TRPM3: variants seen among roughly 807,000 people sequenced by gnomAD.
TRPM3 encodes long transient receptor potential channel 3.
TRPM3 carries 77 observed loss-of-function variants against 181.2 expected under a neutral mutation model. The observed-to-expected ratio is 0.42, with a 90% CI of 0.35 to 0.51. The LOEUF (loss-of-function observed/expected upper bound fraction) is 0.51. Among genes scored for constraint, TRPM3 ranks in the 20% least tolerant of loss-of-function variants. The probability of loss-of-function intolerance (pLI) is 0.01; values close to 1 mark genes in which losing one functional copy is unlikely to be tolerated. For missense variants in TRPM3, 1,759 were observed against 2,196.7 expected, an observed-to-expected ratio of 0.80 and a Z score of 3.98; for synonymous variants, 745 against 796.4, an observed-to-expected ratio of 0.94 and a Z score of 1.09.
rs558306494 is a variant in TRPM3 at position 70,606,764 on chromosome 9, AT to A, written c.2668-3295del. Among the ~76,000 whole-genome samples the A allele has an allele frequency of 7.3e-3, 1,112 of 152,126 alleles. 11 individuals carry two copies. The highest frequency in any genetic ancestry group is 0.026 in the African/African-American group (1,059 of 41,496). On this transcript the variant is annotated intron_variant, in intron 19 of 25. Coordinates refer to ENST00000677713, the MANE Select transcript of TRPM3 (RefSeq NM_001366145.2). ...GTAAGTCAGTAGGAGAACTCTAAGAATTTGTATTTTATTAACATATATTCTT... is the reference window on the plus strand; with the variant it reads ...GTAAGTCAGTAGGAGAACTCTAAGAATTGTATTTTATTAACATATATTCTT...
chr9:70,885,460 T>C (rs1232908933), intron 1 of TRPM3, among the ~76,000 whole-genome samples: 2 of 152,334 alleles, frequency 1.3e-5, no homozygotes, highest in African/African-American at 2.4e-5. Context: ...ATCCAGTGTC[T>C]GAATGTTTTA....
chr9:70,828,781 G>A (rs1383786080), intron 5 of TRPM3, among the ~76,000 whole-genome samples: 4 of 147,394 alleles, frequency 2.7e-5, no homozygotes, highest in Admixed American at 1.4e-4. Flanking sequence ...TATTCCTTGC[G>A]ACGATCCTGC....
chr9:71,216,567 T>C lies in TRPM3; in HGVS notation c.183+230086A>G, dbSNP rs551350753. On this transcript the variant is annotated intron_variant, in intron 1 of 24. Transcript: ENST00000357533. Reference sequence around the variant, plus strand: ...TTAGACACACACAGGAAATGAAAGGTACATAATTAGTTAATTGTTCTATAG... The same window carrying C: ...TTAGACACACACAGGAAATGAAAGGCACATAATTAGTTAATTGTTCTATAG... 2.0e-5 allele frequency among the ~76,000 whole-genome samples: 3 copies of C among 152,338 alleles called. No homozygotes were observed. The South Asian group carries it at 6.2e-4, about 32-fold the overall frequency.
At chr9:70,581,630 T>C (rs2055702478) in intron 22 of TRPM3, among the ~76,000 whole-genome samples, 1 of 152,228 alleles carries the variant, frequency 6.6e-6, no homozygotes, top group Non-Finnish European at 1.5e-5. Flanking sequence ...TGCCACGTTA[T>C]TCAGAAGGGG....
chr9:71,420,462 G>A (rs115784624), intron 1 of TRPM3, among the ~76,000 whole-genome samples: 8 of 151,482 alleles, frequency 5.3e-5, no homozygotes, highest in East Asian at 2.0e-4. Flanking sequence ...ATTTTGAGCC[G>A]AAGGCAAGGA....
chr9:71,057,871 A>G (rs1048452754), intron 1 of TRPM3, among the ~76,000 whole-genome samples: 1 of 152,082 alleles, frequency 6.6e-6, no homozygotes, highest in Non-Finnish European at 1.5e-5. Context: ...GTTTTAAGCA[A>G]TAGGCAGTTA....
intron 22 of TRPM3, among the ~76,000 whole-genome samples, chr9:70,588,001 C>G (rs1306481635): frequency 6.6e-6 from 1 of 152,222 alleles, no homozygotes; most frequent in Non-Finnish European, 1.5e-5. Flanking sequence ...TCACTCTCCT[C>G]TGCTTCCAAA....
intron 6 of TRPM3, among the ~76,000 whole-genome samples, chr9:70,814,215 G>C (rs62545996): frequency 6.6e-6 from 1 of 152,166 alleles, no homozygotes; most frequent in Non-Finnish European, 1.5e-5. Context: ...GGAGTACAGA[G>C]AGAAGCACGT....
intron 1 of TRPM3, among the ~76,000 whole-genome samples, chr9:71,210,160 G>A (rs566535016): frequency 1.6e-4 from 25 of 152,218 alleles, no homozygotes; most frequent in African/African-American, 5.8e-4. Flanking sequence ...TGCAGCATTA[G>A]GTTCTCATAG....
Position 70,532,954 on chromosome 9 carries a change from AAC to A in TRPM3, c.*2997_*2998del, listed in dbSNP as rs1441925248. On this transcript the variant is annotated 3_prime_UTR_variant, in exon 26 of 26. Coordinates refer to ENST00000677713, the MANE Select transcript of TRPM3 (RefSeq NM_001366145.2). ...AATGGAAGGAAATGGACTGAAAAAT[AAC>A]ACACATACATGTGCACAGGAAGGAA... 1.3e-5 allele frequency: 2 copies of A among 152,222 alleles called. No individual in the cohort carries two copies. Among genetic ancestry groups the A allele is most frequent in the Non-Finnish European group, 2.9e-5 (2 of 68,052 alleles). The allele number at this position is 152,222 out of a possible 1,614,324, so 9.4% of individuals were successfully genotyped here. A position where few individuals can be genotyped will look rare whatever the true frequency, so the allele number is the denominator to read the frequency against.
Position 71,088,015 on chromosome 9 carries a change from G to A in TRPM3, c.177+33163C>T, listed in dbSNP as rs1009246481. ...ATTGTTATTTATGCTTTAATGAAGTGTTTATTATGAGTCCCCATTGTGCTT... is the reference window on the plus strand; with the variant it reads ...ATTGTTATTTATGCTTTAATGAAGTATTTATTATGAGTCCCCATTGTGCTT... On this transcript the variant is annotated intron_variant, in intron 1 of 25. Transcript: ENST00000677713. 4.6e-5 allele frequency among the ~76,000 whole-genome samples: 7 copies of A among 152,072 alleles called. No individual in the cohort carries two copies. The East Asian group carries it at 1.2e-3, about 25-fold the overall frequency.
At chr9:71,428,948 G>GAAAA (rs34737844) in intron 1 of TRPM3, among the ~76,000 whole-genome samples, 1 of 121,998 alleles carries the variant, frequency 8.2e-6, no homozygotes, top group Non-Finnish European at 1.7e-5. Flanking sequence ...TGTTTCAAAG[G>GAAAA]AAAAAAAAAA....
intron 1 of TRPM3, among the ~76,000 whole-genome samples, chr9:71,405,264 C>A (rs1420652654): frequency 6.6e-6 from 1 of 152,088 alleles, no homozygotes; most frequent in Non-Finnish European, 1.5e-5. Flanking sequence ...ATATGCATGG[C>A]CTTATCCTAT....
chr9:71,339,827 G>C (rs1038526968), intron 1 of TRPM3, among the ~76,000 whole-genome samples: 7 of 152,034 alleles, frequency 4.6e-5, no homozygotes, highest in Admixed American at 4.6e-4. Flanking sequence ...GTGAACACAT[G>C]ACTATGCATT....
chr9:71,110,726 T>C (rs2070885811), intron 1 of TRPM3, among the ~76,000 whole-genome samples: 1 of 152,242 alleles, frequency 6.6e-6, no homozygotes, highest in South Asian at 2.1e-4. Context: ...TATTAATTAA[T>C]GCAGAATCAA....
intron 1 of TRPM3, among the ~76,000 whole-genome samples, chr9:71,096,605 C>CTCTCTCTCTCTCTCTCTCTCTCTA (rs2067309026): frequency 6.7e-6 from 1 of 149,642 alleles, no homozygotes; most frequent in African/African-American, 2.5e-5. Flanking sequence ...CTCTCTCTCT[C>CTCTCTCTCTCTCTCTCTCTCTCTA]TCTCTCTCTC....
At chr9:71,096,624 T>TCTCTCTCTCTCTCTCTCTCTCC (rs1397956274) in intron 1 of TRPM3, among the ~76,000 whole-genome samples, 4 of 142,428 alleles carry the variant, frequency 2.8e-5, no homozygotes, top group African/African-American at 1.0e-4. Flanking sequence ...TCTCTCTCTC[T>TCTCTCTCTCTCTCTCTCTCTCC]CCCCCTCTCC....
chr9:70,696,379 A>G (rs117640453), intron 8 of TRPM3, among the ~76,000 whole-genome samples: 1 of 152,258 alleles, frequency 6.6e-6, no homozygotes, highest in East Asian at 1.9e-4. Flanking sequence ...TCCTCCTAAT[A>G]CACATCCTCA....
chr9:71,353,554 A>G (rs1016958074), intron 1 of TRPM3, among the ~76,000 whole-genome samples: 2 of 152,194 alleles, frequency 1.3e-5, no homozygotes, highest in South Asian at 2.1e-4. Context: ...AGGGCGAATG[A>G]CTTCAACCTT....
Sources: gnomAD v4.1 joint callset for allele counts (sites outside exome capture counted in the v4.1 genomes callset) on GRCh38, gnomAD v4.1.1 for gene constraint, MANE v1.5 for transcripts, NCBI Gene and HGNC (gene_info 2026-07-23, HGNC 2026-07-21) for gene names.